The following ADA2 variants were observed in gnomAD, a reference collection of about 807,000 sequenced individuals.
ADA2 encodes the protein adenosine deaminase CECR1.
Under a neutral mutation model 44.2 loss-of-function variants are expected in ADA2, and 29 were observed. The observed-to-expected ratio is 0.66, with a 90% CI of 0.49 to 0.89. The LOEUF is 0.89. ADA2 is among the 40% of genes least tolerant of loss of function. The probability of loss-of-function intolerance (pLI) is 0.00; values close to 1 mark genes in which losing one functional copy is unlikely to be tolerated. For missense variants in ADA2, 637 were observed against 644.8 expected, an observed-to-expected ratio of 0.99 and a Z score of 0.13; for synonymous variants, 215 against 234.9, an observed-to-expected ratio of 0.92 and a Z score of 0.77.
intron 4 of ADA2, chr22:17,199,530 A>T (rs1163939284): frequency 1.2e-6 from 2 of 1,610,636 alleles, no homozygotes; most frequent in Non-Finnish European, 1.7e-6. Context: ...GATTTGCCCA[A>T]CAGGAAGTTC....
intron 1 of ADA2, among the ~76,000 whole-genome samples, chr22:17,217,768 A>T (rs1246576411): frequency 6.6e-6 from 1 of 152,176 alleles, no homozygotes. Flanking sequence ...AGATTGCACC[A>T]CTGCACTCCA....
At chr22:17,216,775 C>A (rs546783737) in intron 1 of ADA2, among the ~76,000 whole-genome samples, 27 of 120,598 alleles carry the variant, frequency 2.2e-4, no homozygotes, top group East Asian at 1.4e-3. Flanking sequence ...AAAAAAAACA[C>A]ACACACACAC....
intron 7 of ADA2, among the ~76,000 whole-genome samples, chr22:17,187,920 C>A (rs528924598): frequency 2.0e-5 from 3 of 151,654 alleles, no homozygotes; most frequent in Non-Finnish European, 4.4e-5. Flanking sequence ...CTGGCTAACA[C>A]GGTGAAACCC....
chr22:17,209,042 A>T (rs1308072463), intron 2 of ADA2, among the ~76,000 whole-genome samples: 1 of 151,930 alleles, frequency 6.6e-6, no homozygotes, highest in African/African-American at 2.4e-5. Flanking sequence ...AGGTGTGTTT[A>T]TACTACTCCA....
Position 17,203,623 on chromosome 22 carries a change from G to A in ADA2, c.693C>T (p.Ser231=). ...CGTTGTCCTCGTAGAACTCCTGCAT[G>A]CTCCGGAAGACATAGTCTCTGAACA... ...APVFRDYVFR[S]MQEFYEDNVL... is the part of the protein sequence containing the mutation. The change falls in exon 4 of 10, where the codon AGC becomes AGT. Residue 231 remains serine, a synonymous_variant. Coordinates refer to ENST00000399837, the MANE Select transcript of ADA2 (RefSeq NM_001282225.2). 6.2e-7 allele frequency: 1 copy of A among 1,613,876 alleles called. No individual in the cohort carries two copies. Among genetic ancestry groups the A allele is most frequent in the Non-Finnish European group, 8.5e-7 (1 of 1,180,002 alleles).
At chr22:17,197,583 T>G (rs111916241) in intron 4 of ADA2, among the ~76,000 whole-genome samples, 5 of 152,200 alleles carry the variant, frequency 3.3e-5, no homozygotes, top group African/African-American at 1.2e-4. Context: ...TACTGGCAGT[T>G]TCACTCAGCT....
intron 1 of ADA2, among the ~76,000 whole-genome samples, chr22:17,213,041 C>G (rs1215585706): frequency 2.0e-5 from 3 of 151,866 alleles, no homozygotes; most frequent in Non-Finnish European, 4.4e-5. Context: ...CCTCCTGCCT[C>G]TACCTCCCGA....
rs2061939373 is a variant in ADA2, at chr22:17,178,936, G to A, written c.*2547C>T. The A allele has an allele frequency of 6.6e-6, 1 of 152,112 alleles. No homozygotes were observed. The highest frequency in any genetic ancestry group is 2.4e-5 in the African/African-American group (1 of 41,400). The allele number at this position is 152,112 out of a possible 1,614,324, so 9.4% of individuals were successfully genotyped here. ...GATTGGGTAAGGCACTGAATCACCT[G>A]CAGAGTTAGACAGGACCCTAGAGGT... On this transcript the variant is annotated 3_prime_UTR_variant, in exon 10 of 10. Transcript: ENST00000399837.
chr22:17,192,338 G>A (rs1568975540), intron 4 of ADA2, among the ~76,000 whole-genome samples: 1 of 152,136 alleles, frequency 6.6e-6, no homozygotes, highest in Non-Finnish European at 1.5e-5. Context: ...CAGGTCACGG[G>A]GGGAGAGGAT....
chr22:17,196,093 T>A (rs1477089550), intron 4 of ADA2, among the ~76,000 whole-genome samples: 1 of 151,306 alleles, frequency 6.6e-6, no homozygotes, highest in Admixed American at 6.6e-5. Flanking sequence ...ACACCTGTAA[T>A]CCCAGCACTT....
chr22:17,188,248 C>A (rs1234693603), intron 7 of ADA2, 91 bp downstream of exon 7: 8 of 868,580 alleles, frequency 9.2e-6, no homozygotes, highest in African/African-American at 3.3e-5. Context: ...CTGGAAACGC[C>A]TGTAGGCTCT....
At chr22:17,208,778 G>A (rs1397653267) in intron 2 of ADA2, among the ~76,000 whole-genome samples, 3 of 151,780 alleles carry the variant, frequency 2.0e-5, no homozygotes, top group Non-Finnish European at 4.4e-5. Context: ...ACTTCAGCCT[G>A]GGCAACAGAG....
At chr22:17,191,596 C>T (rs2062114981) in intron 5 of ADA2, 87 bp downstream of exon 5, 6 of 1,453,764 alleles carry the variant, frequency 4.1e-6, no homozygotes, top group South Asian at 2.5e-5. Context: ...CTCCCAGCCC[C>T]GCTTCTCACC....
At chr22:17,207,930 G>C (rs1196854143) in intron 2 of ADA2, among the ~76,000 whole-genome samples, 1 of 151,968 alleles carries the variant, frequency 6.6e-6, no homozygotes, top group Non-Finnish European at 1.5e-5. Context: ...CCCCATGCTT[G>C]TCCTCCCCAC....
chr22:17,188,470 G>A (rs1170200023), intron 6 of ADA2, 23 bp from the exon 7 acceptor site: 4 of 1,556,290 alleles, frequency 2.6e-6, no homozygotes, highest in Non-Finnish European at 3.5e-6. Context: ...GAGGGACAGG[G>A]AGGTGTCTGC....
intron 1 of ADA2, among the ~76,000 whole-genome samples, chr22:17,218,550 A>G (rs1198198402): frequency 1.3e-5 from 2 of 151,978 alleles, no homozygotes; most frequent in Admixed American, 1.3e-4. Flanking sequence ...ATTCTCCATC[A>G]ACAGCCCCGC....
chr22:17,220,616 T>C (rs984536158), upstream of ADA2, among the ~76,000 whole-genome samples: 2 of 152,028 alleles, frequency 1.3e-5, no homozygotes, highest in African/African-American at 4.8e-5. Flanking sequence ...CATGGGAGGC[T>C]ACACCAGGGA....
chr22:17,219,660 GGTTTGTTTTT>G (rs1316215752), upstream of ADA2: 3 of 86,940 alleles, frequency 3.5e-5, no homozygotes, highest in Non-Finnish European at 7.5e-5. Context: ...GTGCATGTGG[GGTTTGTTTTT>G]TTTTTTTTTT....
chr22:17,216,148 C>G (rs1249253437), intron 1 of ADA2, among the ~76,000 whole-genome samples: 7 of 151,862 alleles, frequency 4.6e-5, no homozygotes, highest in Non-Finnish European at 8.8e-5. Context: ...TATCGCACCA[C>G]TGCACTCCAG....
Sources: allele counts gnomAD v4.1 joint callset (sites outside exome capture counted in the v4.1 genomes callset), GRCh38; gene constraint gnomAD v4.1.1; transcripts MANE v1.5; gene names NCBI Gene and HGNC (gene_info 2026-07-23, HGNC 2026-07-21).